Variants in RYR3 observed in about 807,000 individuals in gnomAD.
RYR3 encodes the protein brain ryanodine receptor-calcium release channel.
RYR3 carries 207 observed loss-of-function variants against 584.3 expected under a neutral mutation model. The ratio of observed to expected loss-of-function variants is 0.35; its 90% CI spans 0.32 to 0.40. The LOEUF (loss-of-function observed/expected upper bound fraction) is 0.40. RYR3 is among the 10% of genes least tolerant of loss of function. RYR3 has a pLI of 1.00. For missense variants in RYR3, 5,616 were observed against 6,089.2 expected, an observed-to-expected ratio of 0.92 and a Z score of 2.59; for synonymous variants, 2,416 against 2,248.5, an observed-to-expected ratio of 1.07 and a Z score of -2.11.
At position 33,563,009 on chromosome 15, in the gene RYR3, A is replaced by AG; in HGVS notation, c.1146+1dup. ...TCCCGCCTGGGACCTCTAAAAAGAAAGGTGAGAGTCAGAATATCTGTCTAC... is the reference window on the plus strand; with the variant it reads ...TCCCGCCTGGGACCTCTAAAAAGAAAGGGTGAGAGTCAGAATATCTGTCTAC... On this transcript the variant is annotated frameshift_variant and splice_region_variant, in exon 11 of 104. Coordinates refer to ENST00000634891, the MANE Select transcript of RYR3 (RefSeq NM_001036.6). LOFTEE classifies it high-confidence loss of function. 1 of 1,608,054 alleles carries AG rather than the reference A, an allele frequency of 6.2e-7. No individual in the cohort carries two copies. Among genetic ancestry groups the AG allele is most frequent in the Non-Finnish European group, 8.5e-7 (1 of 1,176,772 alleles).
intron 1 of RYR3, among the ~76,000 whole-genome samples, chr15:33,451,279 G>A (rs2047103204): frequency 6.6e-6 from 1 of 152,060 alleles, no homozygotes; most frequent in African/African-American, 2.4e-5. Flanking sequence ...CTATTCAAAC[G>A]GGCACCCTGT....
At chr15:33,711,813 ATCT>A (rs2067142677) in intron 43 of RYR3, among the ~76,000 whole-genome samples, 1 of 152,136 alleles carries the variant, frequency 6.6e-6, no homozygotes, top group African/African-American at 2.4e-5. Context: ...ACTTTCTATC[ATCT>A]TCTTCTGAGC....
chr15:33,835,693 A>G (rs963242079), intron 87 of RYR3, among the ~76,000 whole-genome samples: 3 of 152,246 alleles, frequency 2.0e-5, no homozygotes, highest in Non-Finnish European at 2.9e-5. Context: ...ATGTGTATCT[A>G]AAATTTTCAA....
chr15:33,313,258 G>A (rs1967610349), intron 1 of RYR3, among the ~76,000 whole-genome samples: 1 of 152,186 alleles, frequency 6.6e-6, no homozygotes, highest in South Asian at 2.1e-4. Context: ...GAAATCGAGT[G>A]ACTTGAACAT....
chr15:33,359,593 CTTAT>C lies in RYR3; in HGVS notation c.51+48536_51+48539del, dbSNP rs34142769. Among the ~76,000 whole-genome samples the C allele has an allele frequency of 5.3e-3, 768 of 144,904 alleles. 3 individuals are homozygous for C. Among genetic ancestry groups the C allele is most frequent in the African/African-American group, 0.014 (552 of 39,280 alleles). ...TTTTTAGAGAGGCCTTCCCTGACCCCTTATTTATTTATTTATTTATTTATTTATT... is the reference window on the plus strand; with the variant it reads ...TTTTTAGAGAGGCCTTCCCTGACCCCTTATTTATTTATTTATTTATTTATT... On this transcript the variant is annotated intron_variant, in intron 1 of 103. Transcript: ENST00000634891.
At chr15:33,717,017 G>A (rs4780164) in intron 43 of RYR3, among the ~76,000 whole-genome samples, 43,795 of 152,042 alleles carry the variant, frequency 0.29, 7,871 homozygotes, top group East Asian at 0.64. Context: ...AGGTTTCTAT[G>A]GCATTCAAGT....
At chr15:33,400,975 C>A (rs931785497) in intron 1 of RYR3, among the ~76,000 whole-genome samples, 1 of 152,092 alleles carries the variant, frequency 6.6e-6, no homozygotes, top group African/African-American at 2.4e-5. Context: ...GCCTTAACCA[C>A]CCACTATGGT....
At chr15:33,369,290 C>T (rs1244293694) in intron 1 of RYR3, among the ~76,000 whole-genome samples, 3 of 152,164 alleles carry the variant, frequency 2.0e-5, no homozygotes, top group Non-Finnish European at 2.9e-5. Flanking sequence ...CAAGCCCTCT[C>T]CCTATAGCCT....
intron 1 of RYR3, among the ~76,000 whole-genome samples, chr15:33,348,377 C>T (rs151162633): frequency 1.8e-4 from 27 of 152,354 alleles, no homozygotes; most frequent in Non-Finnish European, 2.5e-4. Flanking sequence ...TCCTCTCTCA[C>T]TTCAGTGAGG....
intron 32 of RYR3, among the ~76,000 whole-genome samples, chr15:33,657,491 C>G (rs980926254): frequency 3.9e-5 from 6 of 152,222 alleles, no homozygotes; most frequent in African/African-American, 1.4e-4. Context: ...TTCTAGATGT[C>G]ACATATTGGG....
intron 26 of RYR3, 80 bp from the exon 27 acceptor site, chr15:33,636,296 A>C: frequency 8.2e-7 from 1 of 1,216,262 alleles, no homozygotes; most frequent in South Asian, 1.3e-5. Context: ...GTTAGGAGAT[A>C]TCGAAGATAT....
chr15:33,452,900 A>G (rs1457653047), intron 1 of RYR3, among the ~76,000 whole-genome samples: 1 of 152,222 alleles, frequency 6.6e-6, no homozygotes, highest in Non-Finnish European at 1.5e-5. Context: ...CTAATTACAG[A>G]AAAACCTACA....
chr15:33,857,874 A>G lies in RYR3; in HGVS notation c.14102A>G (p.Asp4701Gly). 1 of 1,614,198 alleles carries G rather than the reference A, an allele frequency of 6.2e-7. No homozygotes were observed. ...CGCAAGTTCTACAACAAAAGCGAAG[A>G]CGATGACGAGCCCGATATGAAGTGC... ...FFRKFYNKSEDDDEPDMKCDD... is the reference protein window; with the variant it reads ...FFRKFYNKSEGDDEPDMKCDD... The change falls in exon 99 of 104, where the codon GAC becomes GGC. Residue 4701 changes from aspartate to glycine, a missense_variant. Coordinates refer to ENST00000634891, the MANE Select transcript of RYR3 (RefSeq NM_001036.6).
intron 102 of RYR3, among the ~76,000 whole-genome samples, 170 bp downstream of exon 102, chr15:33,861,348 C>T (rs989349612): frequency 1.3e-5 from 2 of 152,136 alleles, no homozygotes; most frequent in East Asian, 1.9e-4. Context: ...GTGTGATAGA[C>T]GTGTGTTGTG....
intron 1 of RYR3, among the ~76,000 whole-genome samples, chr15:33,369,099 C>G (rs987634191): frequency 6.6e-6 from 1 of 152,154 alleles, no homozygotes; most frequent in African/African-American, 2.4e-5. Context: ...TTTATAACAT[C>G]ACTTTTTGAA....
chr15:33,686,748 G>A (rs984076083), intron 38 of RYR3, among the ~76,000 whole-genome samples: 3 of 152,204 alleles, frequency 2.0e-5, no homozygotes, highest in Non-Finnish European at 2.9e-5. Context: ...TCATCCCTGG[G>A]ATGCAAGGCT....
Position 33,860,648 on chromosome 15 carries a change from G to A in RYR3, c.14353G>A (p.Glu4785Lys). 1 of 1,590,988 alleles carries A rather than the reference G, an allele frequency of 6.3e-7. No homozygotes were observed. Among genetic ancestry groups the A allele is most frequent in the Non-Finnish European group, 8.6e-7 (1 of 1,166,734 alleles). ...ELRDQQEQVR[E>K]DMETKCFICG... Reference sequence around the variant, plus strand: ...AAGAGACCAGCAGGAACAAGTACGAGAAGATATGGAGGTAATGTTACTCTA... The same window carrying A: ...AAGAGACCAGCAGGAACAAGTACGAAAAGATATGGAGGTAATGTTACTCTA... The change falls in exon 101 of 104, where the codon GAA (glutamate) becomes AAA (lysine). Residue 4785 changes from glutamate to lysine, a missense_variant. Physicochemically the swap from Glu to Lys is moderately conservative, Grantham distance 56. Transcript: ENST00000634891.
intron 42 of RYR3, among the ~76,000 whole-genome samples, chr15:33,703,632 G>A (rs2066464771): frequency 6.7e-6 from 1 of 150,102 alleles, no homozygotes; most frequent in South Asian, 2.1e-4. Context: ...CTGGGATATT[G>A]AGGGTTAGGG....
chr15:33,632,169 A>G (rs1200087318), intron 23 of RYR3, among the ~76,000 whole-genome samples: 1 of 152,240 alleles, frequency 6.6e-6, no homozygotes, highest in Non-Finnish European at 1.5e-5. Flanking sequence ...GAGGTCCTGG[A>G]TGGATTGAGC....
Sources: allele counts gnomAD v4.1 joint callset (sites outside exome capture counted in the v4.1 genomes callset), GRCh38; gene constraint gnomAD v4.1.1; transcripts MANE v1.5; gene names NCBI Gene and HGNC (gene_info 2026-07-23, HGNC 2026-07-21).